SORCS3: variants seen among roughly 807,000 people sequenced by gnomAD.
The protein encoded by SORCS3 is VPS10 domain-containing receptor SorCS3.
A neutral mutation model predicts 146.3 loss-of-function variants in SORCS3; 57 were observed. The ratio of observed to expected loss-of-function variants is 0.39; its 90% CI spans 0.31 to 0.49. The LOEUF (loss-of-function observed/expected upper bound fraction) is 0.49, where lower values mean the gene tolerates loss of function less well. Ranked by LOEUF, SORCS3 falls within the 20% of genes least tolerant of loss-of-function variation. The pLI is 0.92. For missense variants in SORCS3, 1,341 were observed against 1,575.5 expected (o/e 0.85, Z 2.52); for synonymous variants, 653 against 618.5 (o/e 1.06, Z -0.83).
intron 4 of SORCS3, among the ~76,000 whole-genome samples, chr10:104,992,900 T>G (rs2055003023): frequency 6.6e-6 from 1 of 152,188 alleles, no homozygotes; most frequent in Non-Finnish European, 1.5e-5. Context: ...GGTTTTACAT[T>G]TATTAGGTAT....
Position 104,977,734 on chromosome 10 carries a change from T to TC in SORCS3, c.954+241_954+242insC, listed in dbSNP as rs1339769641. 9.1e-3 allele frequency among the ~76,000 whole-genome samples: 1,300 copies of TC among 143,350 alleles called. 2 individuals carry two copies. The highest frequency in any genetic ancestry group is 0.014 in the Non-Finnish European group (894 of 66,218). 94.0% of individuals were successfully genotyped at this position (143,350 alleles called of 152,430 possible). A position where few individuals can be genotyped will look rare whatever the true frequency, so the allele number is the denominator to read the frequency against. ...GCTATTATTTCCTTTTCTTTTCTTT[T>TC]TTTTTTTTTTTTTTTTGACACAGAG... On this transcript the variant is annotated intron_variant, in intron 4 of 26. Transcript: ENST00000369701.
At chr10:105,137,606 ATTG>A (rs1463602835) in intron 7 of SORCS3, among the ~76,000 whole-genome samples, 1 of 152,116 alleles carries the variant, frequency 6.6e-6, no homozygotes, top group Non-Finnish European at 1.5e-5. Flanking sequence ...GTCTATGCAA[ATTG>A]TTGTTAAAAG....
chr10:105,091,887 C>G (rs11814741), intron 6 of SORCS3, among the ~76,000 whole-genome samples: 16,336 of 152,114 alleles, frequency 0.11, 980 homozygotes, highest in East Asian at 0.16. Flanking sequence ...GTTTTCAGGA[C>G]AACTCTCGCA....
chr10:104,933,783 C>T (rs1380203325), intron 3 of SORCS3, among the ~76,000 whole-genome samples: 3 of 152,108 alleles, frequency 2.0e-5, no homozygotes, highest in Non-Finnish European at 2.9e-5. Context: ...AATCTTATTC[C>T]TCTTTCAGTG....
chr10:104,796,750 C>T (rs1243969670), intron 1 of SORCS3, among the ~76,000 whole-genome samples: 1 of 152,094 alleles, frequency 6.6e-6, no homozygotes, highest in Non-Finnish European at 1.5e-5. Flanking sequence ...GAAACATTGC[C>T]ATTTTGTATC....
chr10:105,091,479 T>C (rs1229488063), intron 6 of SORCS3, among the ~76,000 whole-genome samples: 1 of 96,052 alleles, frequency 1.0e-5, no homozygotes, highest in African/African-American at 4.0e-5. Flanking sequence ...CCTTCCCTCC[T>C]TCCTTCCTTC....
At chr10:105,242,091 C>T (rs1281336486) in intron 20 of SORCS3, among the ~76,000 whole-genome samples, 1 of 151,834 alleles carries the variant, frequency 6.6e-6, no homozygotes, top group African/African-American at 2.4e-5. Context: ...TGGCTGCCTC[C>T]TGTCACTGTC....
intron 1 of SORCS3, among the ~76,000 whole-genome samples, chr10:104,727,578 G>A (rs944547733): frequency 1.3e-5 from 2 of 150,038 alleles, no homozygotes; most frequent in Non-Finnish European, 3.0e-5. Flanking sequence ...ATGCATACAC[G>A]CTTACCTATA....
intron 14 of SORCS3, among the ~76,000 whole-genome samples, chr10:105,194,644 T>C (rs896984356): frequency 6.6e-6 from 1 of 152,140 alleles, no homozygotes; most frequent in Non-Finnish European, 1.5e-5. Context: ...CAATGATCAA[T>C]TAGCCATTCT....
At chr10:104,871,200 A>G (rs1414094932) in intron 2 of SORCS3, among the ~76,000 whole-genome samples, 4 of 152,136 alleles carry the variant, frequency 2.6e-5, no homozygotes, top group African/African-American at 9.7e-5. Flanking sequence ...CCAAGAGGTG[A>G]GTATTTGAAC....
intron 8 of SORCS3, among the ~76,000 whole-genome samples, chr10:105,147,339 T>A (rs1272240360): frequency 6.6e-6 from 1 of 152,152 alleles, no homozygotes; most frequent in Admixed American, 6.6e-5. Flanking sequence ...TCTTAAATTT[T>A]AGGTATAACA....
intron 1 of SORCS3, among the ~76,000 whole-genome samples, chr10:104,698,310 T>G (rs1376213989): frequency 6.6e-6 from 1 of 152,280 alleles, no homozygotes; most frequent in East Asian, 1.9e-4. Flanking sequence ...CCTGATTTCC[T>G]GTTTTGTGGT....
chr10:104,676,798 T>C (rs2133261612), intron 1 of SORCS3, among the ~76,000 whole-genome samples: 1 of 152,312 alleles, frequency 6.6e-6, no homozygotes, highest in Non-Finnish European at 1.5e-5. Context: ...TGTTTCTTTC[T>C]CAGTCATGTG....
chr10:104,769,045 C>T (rs758287549), intron 1 of SORCS3, among the ~76,000 whole-genome samples: 1 of 152,204 alleles, frequency 6.6e-6, no homozygotes, highest in Non-Finnish European at 1.5e-5. Flanking sequence ...TGTCTCCCCT[C>T]TCCCACCACT....
chr10:104,890,876 G>A lies in SORCS3; in HGVS notation c.696-24957G>A, dbSNP rs183852331. ...AATGCTCCCAGGATGCAGACAGTGA[G>A]AAATCACCCCCAGTTGAGAACTACT... On this transcript the variant is annotated intron_variant, in intron 2 of 26. Coordinates refer to ENST00000369701, the MANE Select transcript of SORCS3 (RefSeq NM_014978.3). 2.2e-3 allele frequency among the ~76,000 whole-genome samples: 334 copies of A among 152,298 alleles called. 3 individuals carry two copies. Among genetic ancestry groups the A allele is most frequent in the African/African-American group, 7.7e-3 (322 of 41,560 alleles).
rs1339791600 is a variant in SORCS3 at position 104,833,755 on chromosome 10, T to A, written c.628-9037T>A. Reference sequence around the variant, plus strand: ...CCTAGACTCATGTCTTACAAGTCCATCCAATCACTGACAGCTCCCAAATTG... The same window carrying A: ...CCTAGACTCATGTCTTACAAGTCCAACCAATCACTGACAGCTCCCAAATTG... On this transcript the variant is annotated intron_variant, in intron 1 of 26. Transcript: ENST00000369701. 2.0e-5 allele frequency among the ~76,000 whole-genome samples: 3 copies of A among 152,198 alleles called. No homozygotes were observed. In the East Asian group the frequency reaches 5.8e-4, roughly 29 times the overall value.
chr10:104,973,066 GC>G (rs1380587109), intron 3 of SORCS3, among the ~76,000 whole-genome samples: 1 of 151,894 alleles, frequency 6.6e-6, no homozygotes, highest in Non-Finnish European at 1.5e-5. Context: ...TGGTGGATAA[GC>G]TTTTTGATGT....
rs80326221 is a variant in SORCS3, at chr10:104,912,452, A to G, written c.696-3381A>G. Among the ~76,000 whole-genome samples, 1,091 of 152,352 alleles carry G rather than the reference A, an allele frequency of 7.2e-3. 12 individuals carry two copies. Among genetic ancestry groups the G allele is most frequent in the African/African-American group, 0.025 (1,052 of 41,582 alleles). On this transcript the variant is annotated intron_variant, in intron 2 of 26. Transcript: ENST00000369701. ...TTTGTCATTTAACCGTAATTCTACT[A>G]CAAGTGAATTACAGACCCTTCCCTA...
intron 1 of SORCS3, among the ~76,000 whole-genome samples, chr10:104,723,960 A>G (rs1395845623): frequency 6.6e-6 from 1 of 152,162 alleles, no homozygotes; most frequent in Non-Finnish European, 1.5e-5. Context: ...TAATTGGAGC[A>G]TTTAGCCCAT....
Sources: allele counts gnomAD v4.1 joint callset (sites outside exome capture counted in the v4.1 genomes callset), GRCh38; gene constraint gnomAD v4.1.1; transcripts MANE v1.5; gene names NCBI Gene and HGNC (gene_info 2026-07-23, HGNC 2026-07-21).